Variants in TBL1Y observed in about 807,000 individuals in gnomAD.
TBL1Y encodes F-box-like/WD repeat-containing protein TBL1Y.
TBL1Y carries 15 observed loss-of-function variants against 12.0 expected under a neutral mutation model. That is an observed-to-expected ratio of 1.25 (90% CI 0.83 to 1.92). The LOEUF is 1.92. Ranked by LOEUF, TBL1Y falls within the 40% of genes most tolerant of loss-of-function variation. The probability of loss-of-function intolerance (pLI) is 0.00; values close to 1 mark genes in which losing one functional copy is unlikely to be tolerated. For missense variants in TBL1Y, 148 were observed against 116.7 expected, an observed-to-expected ratio of 1.27 and a Z score of -1.24; for synonymous variants, 53 against 42.6, an observed-to-expected ratio of 1.24 and a Z score of -0.95.
intron 6 of TBL1Y, among the ~76,000 whole-genome samples, chrY:7,032,282 A>G (rs2012661316): frequency 3.0e-5 from 1 of 33,125 alleles, no homozygotes; most frequent in Non-Finnish European, 7.4e-5. Flanking sequence ...ATGACAGTAT[A>G]CTGCAGCCTG....
intron 2 of TBL1Y, among the ~76,000 whole-genome samples, chrY:6,957,721 G>A: frequency 3.0e-5 from 1 of 33,471 alleles, no homozygotes; most frequent in Admixed American, 2.7e-4. Context: ...AGATGCAATT[G>A]GAGTCCCACA....
chrY:7,026,795 T>A lies in TBL1Y; in HGVS notation c.58+1653T>A, dbSNP rs748664124. Among the ~76,000 whole-genome samples, 11 of 34,432 alleles carry A rather than the reference T, an allele frequency of 3.2e-4. No individual in the cohort carries two copies. The East Asian group carries it at 8.4e-3, about 26-fold the overall frequency. 92.4% of individuals were successfully genotyped at this position (34,432 alleles called of 37,273 possible). A position where few individuals can be genotyped will look rare whatever the true frequency, so the allele number is the denominator to read the frequency against. ...AATAACGCGTAGACCTTGGCAAATG[T>A]CAACTTTATGTAACATCTGTGAGCT... On this transcript the variant is annotated intron_variant, in intron 6 of 18. Transcript: ENST00000383032.
intron 2 of TBL1Y, among the ~76,000 whole-genome samples, chrY:6,934,717 C>G (rs2011891335): frequency 3.0e-5 from 1 of 33,659 alleles, no homozygotes; most frequent in Admixed American, 2.7e-4. Flanking sequence ...TCTTTTCTTT[C>G]TTTTTTGGTA....
chrY:6,979,108 T>C (rs2012267847), intron 3 of TBL1Y, among the ~76,000 whole-genome samples: 1 of 32,634 alleles, frequency 3.1e-5, no homozygotes, highest in Non-Finnish European at 7.5e-5. Context: ...CTAATTTTTG[T>C]ATTTTTAGTA....
intron 8 of TBL1Y, among the ~76,000 whole-genome samples, chrY:7,069,791 G>A: frequency 6.1e-5 from 2 of 32,910 alleles, no homozygotes; most frequent in Admixed American, 2.8e-4. Flanking sequence ...TCCCATGTCA[G>A]CCTCCTGAGT....
chrY:7,010,177 T>C, intron 4 of TBL1Y, among the ~76,000 whole-genome samples: 6 of 33,581 alleles, frequency 1.8e-4, no homozygotes, highest in Admixed American at 1.6e-3. Context: ...CTTAGAGTGA[T>C]ATGTGATGGG....
intron 6 of TBL1Y, among the ~76,000 whole-genome samples, chrY:7,031,168 T>A: frequency 3.1e-5 from 1 of 32,676 alleles, no homozygotes; most frequent in Non-Finnish European, 7.5e-5. Flanking sequence ...GAGGAGTGAG[T>A]ACAAAGAAGA....
intron 2 of TBL1Y, among the ~76,000 whole-genome samples, chrY:6,954,250 C>T (rs2012054481): frequency 1.2e-4 from 4 of 34,031 alleles, no homozygotes; most frequent in Non-Finnish European, 2.9e-4. Flanking sequence ...GCCTTTTGTT[C>T]GTTTATGCCC....
chrY:6,928,565 C>T (rs887597816), intron 2 of TBL1Y, among the ~76,000 whole-genome samples: 1 of 33,429 alleles, frequency 3.0e-5, no homozygotes, highest in Non-Finnish European at 7.4e-5. Flanking sequence ...GTGCTGGCTC[C>T]GTGTGAGACT....
At chrY:6,949,480 A>G in intron 2 of TBL1Y, among the ~76,000 whole-genome samples, 1 of 33,859 alleles carries the variant, frequency 3.0e-5, no homozygotes, top group South Asian at 6.6e-4. Flanking sequence ...TTATTTATAC[A>G]TACAGTCTAC....
intron 2 of TBL1Y, among the ~76,000 whole-genome samples, chrY:6,972,870 C>T: frequency 3.0e-5 from 1 of 33,653 alleles, no homozygotes; most frequent in African/African-American, 1.2e-4. Flanking sequence ...TGTGGACCAA[C>T]AAGGAGAGTG....
At chrY:7,081,866 A>G (rs957579138) in intron 14 of TBL1Y, among the ~76,000 whole-genome samples, 8 of 33,028 alleles carry the variant, frequency 2.4e-4, no homozygotes, top group Non-Finnish European at 4.4e-4. Flanking sequence ...TGGGATTACA[A>G]TTCAACCTGA....
At chrY:6,961,749 T>C (rs2012127949) in intron 2 of TBL1Y, among the ~76,000 whole-genome samples, 3 of 33,559 alleles carry the variant, frequency 8.9e-5, no homozygotes, top group Non-Finnish European at 2.2e-4. Context: ...TTATACTCCT[T>C]ACTGTCTTTT....
At chrY:6,990,798 C>T in intron 3 of TBL1Y, among the ~76,000 whole-genome samples, 1 of 31,699 alleles carries the variant, frequency 3.2e-5, no homozygotes, top group Admixed American at 2.9e-4. Context: ...ACCTCGTTAT[C>T]TACCTGCCTC....
intron 3 of TBL1Y, among the ~76,000 whole-genome samples, chrY:6,989,785 C>T (rs2012349935): frequency 5.9e-5 from 2 of 34,019 alleles, no homozygotes; most frequent in Admixed American, 2.6e-4. Context: ...CTTCCCTCTG[C>T]GACTCTAATT....
In TBL1Y at chrY:7,090,165, T is replaced by C; in HGVS notation, c.1523T>C (p.Val508Ala). The change falls in exon 18 of 19, where the codon GTG (valine) becomes GCG (alanine). Residue 508 changes from valine to alanine, a missense_variant. Transcript: ENST00000383032. Reference sequence around the variant, plus strand: ...TGCTGGAACGCCCGAGGAGATAAAGTGGGCGCCAGCGCGTCTGATGGCTCT... The same window carrying C: ...TGCTGGAACGCCCGAGGAGATAAAGCGGGCGCCAGCGCGTCTGATGGCTCT... ...EVCWNARGDKVGASASDGSVC... is the reference protein window; with the variant it reads ...EVCWNARGDKAGASASDGSVC... 2.5e-6 allele frequency: 1 copy of C among 397,924 alleles called. No homozygotes were observed. Among genetic ancestry groups the C allele is most frequent in the Non-Finnish European group, 3.5e-6 (1 of 283,005 alleles).
intron 2 of TBL1Y, among the ~76,000 whole-genome samples, chrY:6,960,143 G>A (rs113785119): frequency 7.5e-4 from 25 of 33,204 alleles, no homozygotes; most frequent in African/African-American, 2.7e-3. Flanking sequence ...AGCCTCCCAC[G>A]GTCAGTCCAT....
intron 8 of TBL1Y, among the ~76,000 whole-genome samples, chrY:7,064,775 G>T: frequency 3.0e-5 from 1 of 33,209 alleles, no homozygotes; most frequent in South Asian, 7.1e-4. Flanking sequence ...TGCACTAGTG[G>T]GTGGGAGGGT....
At chrY:6,921,562 G>A in intron 2 of TBL1Y, among the ~76,000 whole-genome samples, 1 of 32,892 alleles carries the variant, frequency 3.0e-5, no homozygotes, top group African/African-American at 1.2e-4. Context: ...CTTGAGCCTG[G>A]AACTGAGATT....
Sources: gnomAD v4.1 joint callset for allele counts (sites outside exome capture counted in the v4.1 genomes callset) on GRCh38, gnomAD v4.1.1 for gene constraint, MANE v1.5 for transcripts, NCBI Gene and HGNC (gene_info 2026-07-23, HGNC 2026-07-21) for gene names.